RUNX1: variants seen among roughly 807,000 people sequenced by gnomAD.
RUNX1 encodes runt-related transcription factor 1.
Under a neutral mutation model 42.8 loss-of-function variants are expected in RUNX1, and 19 were observed. The observed-to-expected ratio is 0.44, with a 90% CI of 0.31 to 0.65. The LOEUF (loss-of-function observed/expected upper bound fraction) is 0.65. RUNX1 is among the 30% of genes least tolerant of loss of function. RUNX1 has a pLI of 0.07. For missense variants in RUNX1, 528 were observed against 672.0 expected, an observed-to-expected ratio of 0.79 and a Z score of 2.37; for synonymous variants, 271 against 289.4, an observed-to-expected ratio of 0.94 and a Z score of 0.64.
At chr21:34,884,403 C>T (rs1191384287) in intron 4 of RUNX1, among the ~76,000 whole-genome samples, 1 of 152,134 alleles carries the variant, frequency 6.6e-6, no homozygotes, top group African/African-American at 2.4e-5. Flanking sequence ...TATCATCAGG[C>T]CTTATCATTG....
chr21:34,967,080 G>A lies in RUNX1; in HGVS notation c.59-74117C>T, dbSNP rs188369126. On this transcript the variant is annotated intron_variant, in intron 2 of 8. Transcript: ENST00000675419. ...AATAGTATTTTCCCAGGCCGGGCGCGGCGGCCAAGGCGAGTGGATCATGAA... is the reference window on the plus strand; with the variant it reads ...AATAGTATTTTCCCAGGCCGGGCGCAGCGGCCAAGGCGAGTGGATCATGAA... Among the ~76,000 whole-genome samples the A allele has an allele frequency of 1.5e-3, 231 of 151,712 alleles. 1 individual carries two copies. The highest frequency in any genetic ancestry group is 4.7e-3 in the African/African-American group (196 of 41,430).
chr21:34,982,662 C>T (rs2058856269), intron 2 of RUNX1, among the ~76,000 whole-genome samples: 1 of 152,116 alleles, frequency 6.6e-6, no homozygotes, highest in South Asian at 2.1e-4. Flanking sequence ...CTCCGCCACC[C>T]GGGTTCAAGT....
intron 6 of RUNX1, among the ~76,000 whole-genome samples, chr21:34,857,429 T>A (rs2057510663): frequency 6.6e-6 from 1 of 152,220 alleles, no homozygotes; most frequent in Non-Finnish European, 1.5e-5. Context: ...ACTTTGTTAT[T>A]TCTTTGAATG....
At chr21:34,999,425 G>A (rs1601655778) in intron 2 of RUNX1, among the ~76,000 whole-genome samples, 1 of 152,300 alleles carries the variant, frequency 6.6e-6, no homozygotes, top group African/African-American at 2.4e-5. Context: ...CACAGCTGAG[G>A]GTGAGTGAGT....
At chr21:34,889,814 C>A in intron 3 of RUNX1, 1 of 1,118,802 alleles carries the variant, frequency 8.9e-7, no homozygotes, top group Non-Finnish European at 1.1e-6. Flanking sequence ...GGGGCTCCCT[C>A]CCAGCGGAGG....
At chr21:34,944,814 T>C (rs1487185755) in intron 2 of RUNX1, among the ~76,000 whole-genome samples, 1 of 152,212 alleles carries the variant, frequency 6.6e-6, no homozygotes, top group Non-Finnish European at 1.5e-5. Context: ...AGACAGATAG[T>C]ATAATAACTA....
chr21:34,996,749 C>T (rs1371571761), intron 2 of RUNX1, among the ~76,000 whole-genome samples: 1 of 152,004 alleles, frequency 6.6e-6, no homozygotes, highest in African/African-American at 2.4e-5. Flanking sequence ...GAAAGTGTTG[C>T]CGTAAGTAAT....
chr21:34,992,994 C>T (rs1213520268), intron 2 of RUNX1, among the ~76,000 whole-genome samples: 2 of 152,232 alleles, frequency 1.3e-5, no homozygotes, highest in African/African-American at 4.8e-5. Context: ...GGCAGAGCTG[C>T]CAGCAGGGTG....
chr21:34,986,683 A>G (rs2058890329), intron 2 of RUNX1, among the ~76,000 whole-genome samples: 1 of 151,658 alleles, frequency 6.6e-6, no homozygotes, highest in African/African-American at 2.4e-5. Context: ...AGTAATGCAA[A>G]GATGACTCAA....
intron 2 of RUNX1, among the ~76,000 whole-genome samples, chr21:34,964,170 G>A (rs990080974): frequency 4.6e-5 from 7 of 152,148 alleles, no homozygotes; most frequent in African/African-American, 1.7e-4. Flanking sequence ...GATGCCAACA[G>A]CAGCACCATG....
chr21:34,895,006 C>T (rs1383219587), intron 2 of RUNX1, among the ~76,000 whole-genome samples: 2 of 151,368 alleles, frequency 1.3e-5, no homozygotes, highest in East Asian at 1.9e-4. Context: ...TGTGGCTATC[C>T]TTGGTAGAGT....
At chr21:34,932,013 T>C in intron 2 of RUNX1, among the ~76,000 whole-genome samples, 1 of 152,064 alleles carries the variant, frequency 6.6e-6, no homozygotes, top group Non-Finnish European at 1.5e-5. Flanking sequence ...TGGGGGAGGA[T>C]AACCAATAAA....
chr21:34,946,099 A>C (rs1455497572), intron 2 of RUNX1, among the ~76,000 whole-genome samples: 2 of 152,142 alleles, frequency 1.3e-5, no homozygotes, highest in African/African-American at 4.8e-5. Context: ...ACTTTTAGTT[A>C]GTCCTGCCAC....
At chr21:34,929,382 T>G (rs1388098801) in intron 2 of RUNX1, among the ~76,000 whole-genome samples, 1 of 152,142 alleles carries the variant, frequency 6.6e-6, no homozygotes, top group African/African-American at 2.4e-5. Flanking sequence ...CTCACAGAAA[T>G]AGATCTATTC....
At chr21:35,021,822 A>G (rs1015157264) in intron 2 of RUNX1, among the ~76,000 whole-genome samples, 5 of 152,148 alleles carry the variant, frequency 3.3e-5, no homozygotes, top group African/African-American at 1.2e-4. Context: ...AGAATGCACC[A>G]TATCAGGCAG....
At position 35,025,894 on chromosome 21, in the gene RUNX1, G is replaced by A. The variant is rs1366844144; in HGVS notation, c.58+22948C>T. Among the ~76,000 whole-genome samples, 3 of 152,132 alleles carry A rather than the reference G, an allele frequency of 2.0e-5. No homozygotes were observed. The East Asian group carries it at 5.8e-4, about 29-fold the overall frequency. On this transcript the variant is annotated intron_variant, in intron 2 of 8. Transcript: ENST00000675419. ...AGGTAGATTCTTACTCATCTAGGGT[G>A]CTTGCTCGTTATGAACACAGGAAGA...
intron 7 of RUNX1, among the ~76,000 whole-genome samples, chr21:34,808,451 C>T (rs985687857): frequency 2.6e-5 from 4 of 152,124 alleles, no homozygotes; most frequent in South Asian, 2.1e-4. Flanking sequence ...ATCACCTCGC[C>T]GGGGAAGCTT....
intron 3 of RUNX1, chr21:34,889,768 G>A (rs2058056693): frequency 1.7e-6 from 2 of 1,153,206 alleles, no homozygotes; most frequent in South Asian, 2.2e-5. Context: ...CCCGCCCCCG[G>A]TCCGGCGTGC....
At chr21:34,944,947 C>T (rs1601596404) in intron 2 of RUNX1, among the ~76,000 whole-genome samples, 2 of 152,210 alleles carry the variant, frequency 1.3e-5, no homozygotes, top group South Asian at 4.1e-4. Flanking sequence ...GTTTATGAGG[C>T]CTGGCAAATT....
Sources: allele counts gnomAD v4.1 joint callset (sites outside exome capture counted in the v4.1 genomes callset), GRCh38; gene constraint gnomAD v4.1.1; transcripts MANE v1.5; gene names NCBI Gene and HGNC (gene_info 2026-07-23, HGNC 2026-07-21).